Variants in ABLIM1 observed in about 807,000 individuals in gnomAD.
The protein encoded by ABLIM1 is actin-binding LIM protein 1.
Under a neutral mutation model 107.0 loss-of-function variants are expected in ABLIM1, and 40 were observed. The ratio of observed to expected loss-of-function variants is 0.37; its 90% confidence interval spans 0.29 to 0.49. The LOEUF (loss-of-function observed/expected upper bound fraction) is 0.49. ABLIM1 is among the 20% of genes least tolerant of loss of function. The pLI is 0.97. For synonymous variants in ABLIM1, 357 were observed against 357.3 expected (o/e 1.00, Z 0.01); for missense variants, 857 against 1,008.5 (o/e 0.85, Z 2.04).
Position 114,713,934 on chromosome 10 carries a change from C to A in ABLIM1, c.-213+54127G>T, listed in dbSNP as rs572014252. Among the ~76,000 whole-genome samples, 8 of 152,266 alleles carry A rather than the reference C, an allele frequency of 5.3e-5. No individual in the cohort carries two copies. In the East Asian group the frequency reaches 1.5e-3, roughly 29 times the overall value. On this transcript the variant is annotated intron_variant, in intron 1 of 15. Transcript: ENST00000651092. ...GACAAAAACGGGAAGCTGACTCCAA[C>A]CCTGTCTGTGTTAACTGCATTCTGT...
At position 114,657,974 on chromosome 10, in the gene ABLIM1, TTACA is replaced by T. The variant is rs754984829; in HGVS notation, c.223_226del (p.Cys75ThrfsTer64). The stretch of plus-strand genomic sequence containing the variant: ...TTACTTACCAAAAGGATCAACGCTG[TTACA>T]TACACGCCCACGTGGGCAGTAGTCC... On this transcript the variant is annotated frameshift_variant, in exon 1 of 23. Transcript: ENST00000533213. LOFTEE classifies it high-confidence loss of function. The T allele has an allele frequency of 2.8e-5, 45 of 1,613,462 alleles. No individual in the cohort carries two copies. The highest frequency in any genetic ancestry group is 2.7e-5 in the African/African-American group (2 of 74,908).
chr10:114,459,150 TG>T (rs1319163637), intron 12 of ABLIM1, among the ~76,000 whole-genome samples: 2 of 152,254 alleles, frequency 1.3e-5, no homozygotes, highest in Non-Finnish European at 2.9e-5. Flanking sequence ...AATGGAAGGC[TG>T]GGCTTCTGGC....
chr10:114,746,144 A>G (rs2082380132), intron 1 of ABLIM1, among the ~76,000 whole-genome samples: 1 of 152,218 alleles, frequency 6.6e-6, no homozygotes, highest in South Asian at 2.1e-4. Context: ...TGAAATGTAC[A>G]GAACTCAATT....
the ABLIM1 span, among the ~76,000 whole-genome samples, chr10:114,788,559 C>T: frequency 6.6e-6 from 1 of 151,904 alleles, no homozygotes; most frequent in African/African-American, 2.4e-5. Context: ...GAAACCCCGT[C>T]TCTACTAAAA....
the ABLIM1 span, among the ~76,000 whole-genome samples, chr10:114,790,073 G>A: frequency 4.6e-5 from 7 of 152,192 alleles, no homozygotes; most frequent in Non-Finnish European, 1.0e-4. Flanking sequence ...GATTACAGGC[G>A]TGAGCCACTG....
chr10:114,557,671 G>GTTTTTTTTTT, intron 4 of ABLIM1, among the ~76,000 whole-genome samples: 1 of 72,476 alleles, frequency 1.4e-5, no homozygotes, highest in Non-Finnish European at 2.4e-5. Context: ...ATAGTGAGGT[G>GTTTTTTTTTT]TTTTTTTTTT....
the ABLIM1 span, among the ~76,000 whole-genome samples, chr10:114,799,065 T>C: frequency 6.6e-6 from 1 of 152,188 alleles, no homozygotes; most frequent in African/African-American, 2.4e-5. Context: ...CCCAAAGTGT[T>C]GGGATTACAC....
At chr10:114,644,586 G>T (rs1419784753) in intron 1 of ABLIM1, among the ~76,000 whole-genome samples, 1 of 151,910 alleles carries the variant, frequency 6.6e-6, no homozygotes, top group Non-Finnish European at 1.5e-5. Context: ...TGAGCCGTAT[G>T]ACTCCTCCCC....
At chr10:114,487,926 C>G (rs1162169262) in intron 8 of ABLIM1, 32 bp downstream of exon 8, 7 of 1,612,154 alleles carry the variant, frequency 4.3e-6, no homozygotes, top group Non-Finnish European at 5.9e-6. Flanking sequence ...CCTACAAATG[C>G]AGCTGGCATC....
chr10:114,438,891 C>T (rs1440279396), intron 21 of ABLIM1, among the ~76,000 whole-genome samples: 3 of 152,174 alleles, frequency 2.0e-5, no homozygotes, highest in East Asian at 1.9e-4. Flanking sequence ...CACTCAGCAC[C>T]GGATATGCTC....
intron 1 of ABLIM1, among the ~76,000 whole-genome samples, chr10:114,718,085 G>GGAAT (rs1328630379): frequency 2.3e-5 from 2 of 86,926 alleles, no homozygotes; most frequent in African/African-American, 3.4e-5. Context: ...AAGGAAGGAA[G>GGAAT]GAAGGAAGGA....
At chr10:114,717,443 T>C (rs1156568156) in intron 1 of ABLIM1, among the ~76,000 whole-genome samples, 1 of 152,166 alleles carries the variant, frequency 6.6e-6, no homozygotes, top group African/African-American at 2.4e-5. Context: ...TAATATCTTG[T>C]TTTGGGGTGC....
At chr10:114,467,158 CA>C (rs748390459) in intron 11 of ABLIM1, among the ~76,000 whole-genome samples, 1 of 148,854 alleles carries the variant, frequency 6.7e-6, no homozygotes, top group South Asian at 2.1e-4. Context: ...GACTCTGTCT[CA>C]AAAAAAAAGG....
At chr10:114,787,589 GC>G in the ABLIM1 span, among the ~76,000 whole-genome samples, 4 of 145,058 alleles carry the variant, frequency 2.8e-5, no homozygotes, top group South Asian at 2.2e-4. Context: ...TGGGGGGTCA[GC>G]CCCCCGCCCG....
At chr10:114,692,726 C>T (rs1331090350) in intron 1 of ABLIM1, among the ~76,000 whole-genome samples, 3 of 152,062 alleles carry the variant, frequency 2.0e-5, no homozygotes, top group Admixed American at 2.0e-4. Context: ...CTCGTCTCTA[C>T]TAAAAATAAA....
At chr10:114,504,685 A>G (rs1378571524) in intron 6 of ABLIM1, among the ~76,000 whole-genome samples, 2 of 152,188 alleles carry the variant, frequency 1.3e-5, no homozygotes, top group Non-Finnish European at 2.9e-5. Flanking sequence ...CTGCATGTAC[A>G]TCAAGAATGA....
At chr10:114,490,881 C>T (rs1398625640) in intron 7 of ABLIM1, among the ~76,000 whole-genome samples, 1 of 149,622 alleles carries the variant, frequency 6.7e-6, no homozygotes, top group Admixed American at 6.7e-5. Context: ...ATTGCCCAGG[C>T]ACGTCTTGAA....
chr10:114,622,416 AT>A (rs1226001714), intron 1 of ABLIM1, among the ~76,000 whole-genome samples: 1 of 150,958 alleles, frequency 6.6e-6, no homozygotes, highest in African/African-American at 2.4e-5. Flanking sequence ...GCATGGCTAA[AT>A]TTTTGTCGGG....
At chr10:114,774,204 A>C in the ABLIM1 span, among the ~76,000 whole-genome samples, 1 of 152,210 alleles carries the variant, frequency 6.6e-6, no homozygotes. Flanking sequence ...CAAATCAAAC[A>C]ACAAAACTGA....
Sources: allele counts gnomAD v4.1 joint callset (sites outside exome capture counted in the v4.1 genomes callset), GRCh38; gene constraint gnomAD v4.1.1; transcripts MANE v1.5; gene names NCBI Gene and HGNC (gene_info 2026-07-23, HGNC 2026-07-21).